FER: variants seen among roughly 807,000 people sequenced by gnomAD.
The protein encoded by FER is tyrosine-protein kinase Fer.
FER carries 63 observed loss-of-function variants against 111.0 expected under a neutral mutation model. The ratio of observed to expected loss-of-function variants is 0.57; its 90% CI spans 0.46 to 0.70. The LOEUF is 0.70. Ranked by LOEUF, FER falls within the 30% of genes least tolerant of loss-of-function variation. FER has a pLI of 0.00. For synonymous variants in FER, 327 were observed against 313.9 expected (o/e 1.04, Z -0.44); for missense variants, 914 against 954.0 (o/e 0.96, Z 0.55).
chr5:108,948,216 A>G (rs535280457), intron 11 of FER, among the ~76,000 whole-genome samples: 1 of 152,208 alleles, frequency 6.6e-6, no homozygotes, highest in South Asian at 2.1e-4. Context: ...TTTTAACAGT[A>G]TCTTTAAAAT....
intron 18 of FER, among the ~76,000 whole-genome samples, chr5:109,184,232 T>G (rs1336342051): frequency 6.6e-6 from 1 of 152,216 alleles, no homozygotes; most frequent in African/African-American, 2.4e-5. Context: ...ATTAGCATGA[T>G]GTAACTAAGT....
intron 17 of FER, among the ~76,000 whole-genome samples, chr5:109,101,235 A>C (rs1397401649): frequency 1.3e-5 from 2 of 151,988 alleles, no homozygotes; most frequent in African/African-American, 4.8e-5. Flanking sequence ...AGTATAAATA[A>C]GCACAATGAA....
At chr5:108,895,989 A>G (rs1240537687) in intron 9 of FER, among the ~76,000 whole-genome samples, 1 of 152,106 alleles carries the variant, frequency 6.6e-6, no homozygotes, top group Admixed American at 6.6e-5. Flanking sequence ...TACTGTAACA[A>G]TACTACTTTA....
At chr5:108,892,082 T>G (rs1748179427) in intron 9 of FER, among the ~76,000 whole-genome samples, 1 of 152,148 alleles carries the variant, frequency 6.6e-6, no homozygotes, top group Non-Finnish European at 1.5e-5. Context: ...ACATTTGGGT[T>G]GGTTCCAAGT....
At chr5:108,845,042 A>T in intron 5 of FER, among the ~76,000 whole-genome samples, 1 of 29,698 alleles carries the variant, frequency 3.4e-5, no homozygotes, top group East Asian at 1.2e-3. Context: ...ATATATATAC[A>T]TATATATATA....
At chr5:108,977,636 A>C (rs780481717) in intron 13 of FER, among the ~76,000 whole-genome samples, 27 of 152,312 alleles carry the variant, frequency 1.8e-4, no homozygotes, top group African/African-American at 4.1e-4. Flanking sequence ...GGTCTTTGTT[A>C]ACACTATCCA....
intron 13 of FER, among the ~76,000 whole-genome samples, chr5:109,031,976 C>A (rs1220256409): frequency 6.6e-6 from 1 of 152,150 alleles, no homozygotes; most frequent in Non-Finnish European, 1.5e-5. Context: ...TTAAGTATAT[C>A]CATAACATAT....
intron 16 of FER, among the ~76,000 whole-genome samples, chr5:109,059,800 T>A (rs890614505): frequency 2.0e-5 from 3 of 152,188 alleles, no homozygotes; most frequent in African/African-American, 7.2e-5. Flanking sequence ...TAAAAATCTT[T>A]CATATGACCT....
At chr5:108,819,450 G>A (rs909686219) in intron 3 of FER, among the ~76,000 whole-genome samples, 12 of 152,110 alleles carry the variant, frequency 7.9e-5, no homozygotes, top group Admixed American at 2.6e-4. Flanking sequence ...TTGAATGTGA[G>A]CTCTTCCATT....
In FER at chr5:109,189,040, G is replaced by A. The variant is rs1032506113; in HGVS notation, c.*1465G>A. The A allele has an allele frequency of 6.6e-6, 1 of 152,146 alleles. No homozygotes were observed. Among genetic ancestry groups the A allele is most frequent in the Non-Finnish European group, 1.5e-5 (1 of 68,044 alleles). The allele number at this position is 152,146 out of a possible 1,614,324, so 9.4% of individuals were successfully genotyped here. ...TCCCATTTCTACTTCCACCTTCATT[G>A]ACCATTATACTGCCCCCTGGACATT... On this transcript the variant is annotated 3_prime_UTR_variant, in exon 20 of 20. Coordinates refer to ENST00000281092, the MANE Select transcript of FER (RefSeq NM_005246.4).
chr5:108,798,066 T>A, intron 2 of FER, 58 bp from the exon 3 acceptor site: 1 of 675,300 alleles, frequency 1.5e-6, no homozygotes, highest in Non-Finnish European at 2.4e-6. Context: ...ACTTTTTTTT[T>A]TTTGAAGACT....
At chr5:109,173,885 A>G (rs909641987) in intron 17 of FER, among the ~76,000 whole-genome samples, 13 of 152,080 alleles carry the variant, frequency 8.5e-5, no homozygotes, top group Non-Finnish European at 1.5e-4. Context: ...TTGCTCTCAC[A>G]ATAAATATCT....
chr5:108,924,792 AAGG>A, intron 10 of FER: 3 of 1,231,982 alleles, frequency 2.4e-6, no homozygotes, highest in Non-Finnish European at 3.0e-6. Context: ...GAGATCAGGT[AAGG>A]AGAAGTTCTG....
chr5:109,108,206 A>G (rs1009861433), intron 17 of FER, among the ~76,000 whole-genome samples: 1 of 152,184 alleles, frequency 6.6e-6, no homozygotes, highest in African/African-American at 2.4e-5. Flanking sequence ...TCTACATTTC[A>G]TAATGGAATA....
intron 12 of FER, among the ~76,000 whole-genome samples, chr5:108,957,095 CTT>C (rs1467188744): frequency 6.6e-6 from 1 of 151,582 alleles, no homozygotes; most frequent in Non-Finnish European, 1.5e-5. Context: ...CTAGCTCTGT[CTT>C]TACTTGTTCT....
chr5:108,910,391 T>C (rs149890175), intron 10 of FER, among the ~76,000 whole-genome samples: 1 of 152,204 alleles, frequency 6.6e-6, no homozygotes, highest in Non-Finnish European at 1.5e-5. Flanking sequence ...TTTATGACTT[T>C]CAGGTGAAAC....
chr5:108,798,538 A>T, intron 3 of FER, 149 bp downstream of exon 3: 1 of 740,538 alleles, frequency 1.4e-6, no homozygotes, highest in Non-Finnish European at 2.2e-6. Flanking sequence ...CTCATGGAGA[A>T]GTTTTTAAAA....
intron 2 of FER, among the ~76,000 whole-genome samples, chr5:108,797,629 G>T (rs1756180538): frequency 6.6e-6 from 1 of 152,224 alleles, no homozygotes; most frequent in South Asian, 2.1e-4. Flanking sequence ...TGGTCTTGAT[G>T]ATTCGAGACT....
At chr5:109,000,357 A>T (rs1764579892) in intron 13 of FER, among the ~76,000 whole-genome samples, 1 of 152,076 alleles carries the variant, frequency 6.6e-6, no homozygotes, top group African/African-American at 2.4e-5. Flanking sequence ...CTAGTAAAAA[A>T]AAATGAGTAA....
Sources: gnomAD v4.1 joint callset for allele counts (sites outside exome capture counted in the v4.1 genomes callset) on GRCh38, gnomAD v4.1.1 for gene constraint, MANE v1.5 for transcripts, NCBI Gene and HGNC (gene_info 2026-07-23, HGNC 2026-07-21) for gene names.